The following HEATR5B variants were observed in gnomAD, a reference collection of about 807,000 sequenced individuals.
The protein encoded by HEATR5B is HEAT repeat-containing protein 5B.
In HEATR5B, 156 loss-of-function variants were observed where a neutral mutation model predicts 224.1. The observed-to-expected ratio is 0.70, with a 90% CI of 0.61 to 0.80. The LOEUF (loss-of-function observed/expected upper bound fraction) is 0.80, where lower values mean the gene tolerates loss of function less well. Ranked by LOEUF, HEATR5B falls within the 30% of genes least tolerant of loss-of-function variation. The pLI is 0.00. For synonymous variants in HEATR5B, 1,027 were observed against 893.0 expected, an observed-to-expected ratio of 1.15 and a Z score of -2.68; for missense variants, 2,323 against 2,535.5, an observed-to-expected ratio of 0.92 and a Z score of 1.80.
intron 5 of HEATR5B, among the ~76,000 whole-genome samples, chr2:37,074,260 T>A (rs1672092617): frequency 6.6e-6 from 1 of 151,196 alleles, no homozygotes; most frequent in Admixed American, 6.6e-5. Flanking sequence ...GAGGCGGAGT[T>A]TGCAGTGAGT....
Position 37,007,290 on chromosome 2 carries a change from T to C in HEATR5B, c.4537A>G (p.Thr1513Ala), listed in dbSNP as rs767969216. Residue 1513 changes from threonine (T) to alanine (A), a missense_variant, in exon 29 of 36, where the codon ACC becomes GCC. Transcript: ENST00000233099. The part of the protein sequence containing the change: ...QLPPDGGAFY[T>A]PETIDTARLH... ...CTAGCTGTATCAATAGTTTCAGGGG[T>C]ATAAAATGCTCCACCTGTAAAGCAA... 6.2e-7 allele frequency: 1 copy of C among 1,612,038 alleles called. No homozygotes were observed. Among genetic ancestry groups the C allele is most frequent in the Non-Finnish European group, 8.5e-7 (1 of 1,179,268 alleles).
At chr2:37,020,087 T>C (rs1668375473) in intron 25 of HEATR5B, among the ~76,000 whole-genome samples, 2 of 152,062 alleles carry the variant, frequency 1.3e-5, no homozygotes, top group South Asian at 4.1e-4. Flanking sequence ...GTATTTTTAG[T>C]AGAGACAGGG....
chr2:37,082,501 A>T (rs531110897), intron 2 of HEATR5B, among the ~76,000 whole-genome samples: 1 of 152,346 alleles, frequency 6.6e-6, no homozygotes, highest in East Asian at 1.9e-4. Flanking sequence ...TGACATGTTC[A>T]TGATGGCCAT....
chr2:37,073,786 C>A (rs753691087), intron 5 of HEATR5B, among the ~76,000 whole-genome samples: 24 of 152,236 alleles, frequency 1.6e-4, no homozygotes, highest in Non-Finnish European at 2.5e-4. Flanking sequence ...CAGACATTGA[C>A]AAACCTAGAC....
intron 27 of HEATR5B, among the ~76,000 whole-genome samples, chr2:37,011,327 G>C (rs376998159): frequency 1.4e-4 from 22 of 152,300 alleles, no homozygotes; most frequent in African/African-American, 4.8e-4. Context: ...ATCTAAGTAT[G>C]CAAATTTCTC....
chr2:36,982,965 C>CTCCATGAG lies in HEATR5B; in HGVS notation c.5912-1179_5912-1172dup, dbSNP rs900129733. Among the ~76,000 whole-genome samples, 3 of 151,176 alleles carry CTCCATGAG rather than the reference C, an allele frequency of 2.0e-5. No homozygotes were observed. In the East Asian group the frequency reaches 5.8e-4, roughly 29 times the overall value. On this transcript the variant is annotated intron_variant, in intron 35 of 35. Transcript: ENST00000233099. ...TGTGTTTTCCTACCAGAAATGTAAGCTCCATGAGATCAGGGACCTTTGCCT... is the reference window on the plus strand; with the variant it reads ...TGTGTTTTCCTACCAGAAATGTAAGCTCCATGAGTCCATGAGATCAGGGACCTTTGCCT...
At chr2:37,069,153 G>A (rs561514704) in intron 7 of HEATR5B, among the ~76,000 whole-genome samples, 9 of 152,286 alleles carry the variant, frequency 5.9e-5, no homozygotes, top group African/African-American at 2.2e-4. Flanking sequence ...ACAACTTCAT[G>A]AAGAACACAA....
At chr2:37,059,442 GTGTGTATATA>G (rs1479547597) in intron 12 of HEATR5B, among the ~76,000 whole-genome samples, 1 of 59,690 alleles carries the variant, frequency 1.7e-5, no homozygotes, top group Non-Finnish European at 3.4e-5. Flanking sequence ...GTGTGTGTGT[GTGTGTATATA>G]TATATATATA....
At chr2:37,004,288 A>T (rs556239764) in intron 30 of HEATR5B, among the ~76,000 whole-genome samples, 1 of 151,492 alleles carries the variant, frequency 6.6e-6, no homozygotes, top group East Asian at 1.9e-4. Flanking sequence ...TCTGAGGTTA[A>T]TCTTTCCTTA....
Position 37,075,641 on chromosome 2 carries a change from A to G in HEATR5B, c.448-7T>C. The G allele has an allele frequency of 2.5e-6, 4 of 1,604,348 alleles. No individual in the cohort carries two copies. Among genetic ancestry groups the G allele is most frequent in the Non-Finnish European group, 3.4e-6 (4 of 1,175,196 alleles). ...TTTCACTTCGCCCTTGAGACTAGACATGTATACAAAACAAAACTATTTTGT... is the reference window on the plus strand; with the variant it reads ...TTTCACTTCGCCCTTGAGACTAGACGTGTATACAAAACAAAACTATTTTGT... On this transcript the variant is annotated splice_polypyrimidine_tract_variant and splice_region_variant and intron_variant, in intron 4 of 35. Coordinates refer to ENST00000233099, the MANE Select transcript of HEATR5B (RefSeq NM_019024.3).
intron 20 of HEATR5B, among the ~76,000 whole-genome samples, chr2:37,038,775 G>A (rs375719728): frequency 6.5e-4 from 92 of 141,354 alleles, no homozygotes; most frequent in African/African-American, 2.1e-3. Context: ...TGGAACCCCC[G>A]TCTCTACTGA....
chr2:37,048,441 TC>T (rs1670337436), intron 18 of HEATR5B, among the ~76,000 whole-genome samples: 1 of 151,786 alleles, frequency 6.6e-6, no homozygotes, highest in Non-Finnish European at 1.5e-5. Flanking sequence ...CACCTCAGGC[TC>T]CCAAAGTGCT....
At position 36,999,814 on chromosome 2, in the gene HEATR5B, C is replaced by A. The variant is rs1273485019; in HGVS notation, c.5545+772G>T. On this transcript the variant is annotated intron_variant, in intron 33 of 35. Coordinates refer to ENST00000233099, the MANE Select transcript of HEATR5B (RefSeq NM_019024.3). ...AGATCATGAGATCAGGAGTTTGAGA[C>A]CAGCCTGACCAACACGGTGAAACCA... Among the ~76,000 whole-genome samples the A allele has an allele frequency of 4.0e-5, 6 of 151,716 alleles. No homozygotes were observed. In the South Asian group the frequency reaches 6.3e-4, roughly 16 times the overall value.
Position 37,002,297 on chromosome 2 carries a change from A to C in HEATR5B, c.5317+9T>G. On this transcript the variant is annotated intron_variant, in intron 32 of 35. Transcript: ENST00000233099. ...ATAATGCATTTCCAAATACTGATCAATACCGTACCAGCGGGTGAACAAAGG... is the reference window on the plus strand; with the variant it reads ...ATAATGCATTTCCAAATACTGATCACTACCGTACCAGCGGGTGAACAAAGG... 5 of 1,613,974 alleles carry C rather than the reference A, an allele frequency of 3.1e-6. No individual in the cohort carries two copies. Among genetic ancestry groups the C allele is most frequent in the Non-Finnish European group, 4.2e-6 (5 of 1,179,786 alleles).
At chr2:37,016,139 G>C (rs1668102155) in intron 26 of HEATR5B, among the ~76,000 whole-genome samples, 1 of 136,794 alleles carries the variant, frequency 7.3e-6, no homozygotes, top group African/African-American at 2.8e-5. Flanking sequence ...TTGAGACAGA[G>C]TCTCACTCTG....
intron 3 of HEATR5B, among the ~76,000 whole-genome samples, chr2:37,077,364 A>AGTG (rs1672299633): frequency 6.6e-6 from 1 of 151,850 alleles, no homozygotes; most frequent in African/African-American, 2.4e-5. Context: ...GCTGGAGTGC[A>AGTG]GTGGTGTGGT....
intron 24 of HEATR5B, among the ~76,000 whole-genome samples, chr2:37,021,693 G>A (rs1668468222): frequency 6.6e-6 from 1 of 152,042 alleles, no homozygotes; most frequent in Admixed American, 6.6e-5. Context: ...TTTGAGACCA[G>A]TCTGGGAAAC....
rs747003461 is a variant in HEATR5B, at chr2:36,981,237, T to C, written c.*253A>G. ...AAATTTAAGACTATGGCTCAGTGTT[T>C]GAAAAATAAATAAGTTAACAAAAGA... On this transcript the variant is annotated 3_prime_UTR_variant, in exon 36 of 36. Transcript: ENST00000233099. The C allele has an allele frequency of 5.7e-6, 2 of 352,386 alleles. No homozygotes were observed. The highest frequency in any genetic ancestry group is 1.0e-5 in the Non-Finnish European group (2 of 197,742). 21.8% of individuals were successfully genotyped at this position (352,386 alleles called of 1,614,324 possible). A position where few individuals can be genotyped will look rare whatever the true frequency, so the allele number is the denominator to read the frequency against.
intron 33 of HEATR5B, among the ~76,000 whole-genome samples, chr2:36,998,972 T>C (rs2148363358): frequency 6.6e-6 from 1 of 152,222 alleles, no homozygotes; most frequent in African/African-American, 2.4e-5. Context: ...CCCAGCACTT[T>C]GGGAGGCCGA....
Sources: gnomAD v4.1 joint callset for allele counts (sites outside exome capture counted in the v4.1 genomes callset) on GRCh38, gnomAD v4.1.1 for gene constraint, MANE v1.5 for transcripts, NCBI Gene and HGNC (gene_info 2026-07-23, HGNC 2026-07-21) for gene names.